Variants in CARD10 observed in about 807,000 individuals in gnomAD.
The protein encoded by CARD10 is caspase recruitment domain-containing protein 10.
Under a neutral mutation model 114.6 loss-of-function variants are expected in CARD10, and 49 were observed. The observed-to-expected ratio is 0.43, with a 90% confidence interval of 0.34 to 0.54. The LOEUF (loss-of-function observed/expected upper bound fraction) is 0.54, where lower values mean the gene tolerates loss of function less well. CARD10 is among the 20% of genes least tolerant of loss of function. The pLI is 0.03. For synonymous variants in CARD10, 602 were observed against 593.2 expected, an observed-to-expected ratio of 1.01 and a Z score of -0.21; for missense variants, 1,206 against 1,397.2, an observed-to-expected ratio of 0.86 and a Z score of 2.18.
At position 37,495,555 on chromosome 22, in the gene CARD10, A is replaced by T; in HGVS notation, c.2335T>A (p.Cys779Ser). The change falls in exon 15 of 20, where the codon TGC (cysteine) becomes AGC (serine). Residue 779 changes from cysteine (C) to serine (S), a missense_variant. This residue lies in a region of CARD10 where 1,068 missense variants were observed against 1,179.1 expected (regional missense o/e 0.91). Coordinates refer to ENST00000251973, the MANE Select transcript of CARD10 (RefSeq NM_014550.4). ...AQQLLEVQEK[C>S]LPSSRHRGPR... ...CCTCGGTGCCGGCTGGAGGGCAGGC[A>T]TTTCTCCTGAACTTCTAGGAGCTGC... 1.2e-6 allele frequency: 2 copies of T among 1,613,338 alleles called. No individual in the cohort carries two copies. The highest frequency in any genetic ancestry group is 1.7e-6 in the Non-Finnish European group (2 of 1,179,848).
chr22:37,491,202 T>C lies in CARD10; in HGVS notation c.3056A>G (p.Glu1019Gly). 6.3e-7 allele frequency: 1 copy of C among 1,578,106 alleles called. No homozygotes were observed. The highest frequency in any genetic ancestry group is 1.3e-5 in the African/African-American group (1 of 74,458). Reference protein sequence around the residue: ...LQEQARLVWVECGSSRGCPSS... With the variant: ...LQEQARLVWVGCGSSRGCPSS... ...GGGGCAGCCTCTGCTGCTGCCGCAC[T>C]CCACCCACACGAGGCGGGCCTGCTC... Residue 1019 changes from glutamate to glycine, a missense_variant, in exon 20 of 20, where the codon GAG (glutamate) becomes GGG (glycine). By Grantham distance (98) the Glu-to-Gly change is moderately conservative. This residue lies in a region of CARD10 where 1,068 missense variants were observed against 1,179.1 expected (regional missense o/e 0.91). Transcript: ENST00000251973.
Position 37,492,438 on chromosome 22 carries a change from C to G in CARD10, c.2748G>C (p.Gly916=). 1 of 1,559,962 alleles carries G rather than the reference C, an allele frequency of 6.4e-7. No homozygotes were observed. Among genetic ancestry groups the G allele is most frequent in the Non-Finnish European group, 8.7e-7 (1 of 1,151,868 alleles). ...SRIRAIQESV[G]KKHCLLELGA... Reference sequence around the variant, plus strand: ...CAGGCCAGCCCCCAGCACCCACCTTCCCAACAGACTCCTGGATGGCCCGGA... The same window carrying G: ...CAGGCCAGCCCCCAGCACCCACCTTGCCAACAGACTCCTGGATGGCCCGGA... The change falls in exon 18 of 20, where the codon GGG becomes GGC. Residue 916 remains glycine (G), a synonymous_variant. Transcript: ENST00000251973. The surrounding 1 kb of genome is among the most constrained non-coding windows in gnomAD (Gnocchi z 5.7).
In CARD10 at chr22:37,509,255, G is replaced by T. The variant is rs1326735661; in HGVS notation, c.910-573C>A. ...CTGACCTGCCACTGACCTGCCGCAG[G>T]ACACTAAGCAAGCCCTAGGGCCCCC... On this transcript the variant is annotated intron_variant, in intron 4 of 19. Transcript: ENST00000251973. 3 of 973,756 alleles carry T rather than the reference G, an allele frequency of 3.1e-6. No homozygotes were observed. The Admixed American group carries it at 9.3e-5, about 30-fold the overall frequency. The allele number at this position is 973,756 out of a possible 1,614,324, so 60.3% of individuals were successfully genotyped here.
At position 37,507,890 on chromosome 22, in the gene CARD10, TACAGG is replaced by T; in HGVS notation, c.1125_1129del (p.Asp375GlufsTer16). ...CAGGACAGTGGCCATGCGGTGCTTG[TACAGG>T]TCACAGTCCTTCTGCAGCGTGCGGT... On this transcript the variant is annotated frameshift_variant, in exon 6 of 20. Coordinates refer to ENST00000251973, the MANE Select transcript of CARD10 (RefSeq NM_014550.4). LOFTEE classifies it high-confidence loss of function. The T allele has an allele frequency of 6.2e-7, 1 of 1,614,176 alleles. No homozygotes were observed. Among genetic ancestry groups the T allele is most frequent in the Non-Finnish European group, 8.5e-7 (1 of 1,180,008 alleles).
Position 37,506,308 on chromosome 22 carries a change from C to T in CARD10, c.1267G>A (p.Val423Met), listed in dbSNP as rs770534769. The T allele has an allele frequency of 6.2e-7, 1 of 1,611,196 alleles. No homozygotes were observed. Among genetic ancestry groups the T allele is most frequent in the South Asian group, 1.1e-5 (1 of 90,078 alleles). Residue 423 changes from valine to methionine, a missense_variant, in exon 7 of 20, where the codon GTG becomes ATG. By Grantham distance (21) the Val-to-Met change is conservative. Around this residue, in one of 2 missense-constraint regions of CARD10, gnomAD observed 1,068 missense variants for 1,179.1 expected, o/e 0.91. Coordinates refer to ENST00000251973, the MANE Select transcript of CARD10 (RefSeq NM_014550.4). ...LIEKDQYRKQ[V>M]RGLEAERDEL... ...TCCCGCTCCGCCTCCAGGCCCCGCA[C>T]CTGCTTGCGGTACTGGTCCTTCTCG...
rs1248668520 is a variant in CARD10, at chr22:37,508,640, G to A, written c.952C>T (p.Leu318=). 6 of 1,586,280 alleles carry A rather than the reference G, an allele frequency of 3.8e-6. No individual in the cohort carries two copies. Among genetic ancestry groups the A allele is most frequent in the Middle Eastern group, 1.7e-4 (1 of 6,026 alleles). ...PGAPGSERIL[L]DILEHDWREA... is the part of the protein sequence containing the mutation. ...CGCCAGTCATGCTCTAGGATGTCCA[G>A]CAGGATGCGCTCGGAGCCCGGGGCC... The change falls in exon 5 of 20, where the codon CTG becomes TTG. Residue 318 remains leucine (L), a synonymous_variant. Transcript: ENST00000251973.
In CARD10 at chr22:37,490,893, CATA is replaced by C. The variant is rs1255761287; in HGVS notation, c.*263_*265del. 1.8e-6 allele frequency: 1 copy of C among 542,728 alleles called. No individual in the cohort carries two copies. The highest frequency in any genetic ancestry group is 1.9e-5 in the African/African-American group (1 of 52,684). The allele number at this position is 542,728 out of a possible 1,614,324, so 33.6% of individuals were successfully genotyped here. On this transcript the variant is annotated 3_prime_UTR_variant, in exon 20 of 20. Coordinates refer to ENST00000251973, the MANE Select transcript of CARD10 (RefSeq NM_014550.4). ...TGTTTAAGGAGAAGACACAGACACA[CATA>C]AGACCCACTAGTGGGAATGTGGAGA... is the stretch of plus-strand genomic sequence containing the variant.
intron 9 of CARD10, 44 bp from the exon 10 acceptor site, chr22:37,503,257 G>A: frequency 6.3e-7 from 1 of 1,585,700 alleles, no homozygotes; most frequent in Non-Finnish European, 8.6e-7. Context: ...GTGAGGCACA[G>A]TGGGCACTCT....
At chr22:37,515,061 T>C (rs776716199) in intron 3 of CARD10, among the ~76,000 whole-genome samples, 1 of 152,244 alleles carries the variant, frequency 6.6e-6, no homozygotes, top group African/African-American at 2.4e-5. Flanking sequence ...TGCCGCTTCC[T>C]GGCTCTGTGA....
rs545435935 is a variant in CARD10, at chr22:37,508,025, A to G, written c.1066-71T>C. ...TGAGAAAGCTAACCAGCAGGTGCCC[A>G]GGAGGGCCAGTGAGAGACGCTCACC... On this transcript the variant is annotated intron_variant, in intron 5 of 19. Transcript: ENST00000251973. 3.1e-5 allele frequency: 49 copies of G among 1,582,878 alleles called. No homozygotes were observed. The East Asian group carries it at 1.1e-3, about 35-fold the overall frequency.
Position 37,492,613 on chromosome 22 carries a change from C to T in CARD10, c.2635+31G>A. 1.2e-6 allele frequency: 2 copies of T among 1,610,158 alleles called. No homozygotes were observed. Among genetic ancestry groups the T allele is most frequent in the Non-Finnish European group, 1.7e-6 (2 of 1,178,168 alleles). On this transcript the variant is annotated intron_variant, in intron 17 of 19. Transcript: ENST00000251973. The surrounding 1 kb of genome is among the most constrained non-coding windows in gnomAD (Gnocchi z 5.7). ...TGGGCCCGGCTGCCCAGAGGGGCAC[C>T]CAGCCTCCCCTCCCCGGCACATAGT...
chr22:37,497,240 T>C (rs111541930), intron 11 of CARD10, 62 bp from the exon 12 acceptor site: 6 of 1,523,028 alleles, frequency 3.9e-6, no homozygotes, highest in Non-Finnish European at 5.3e-6. Flanking sequence ...CAGTTCAGCA[T>C]TCTTGGAAAA....
chr22:37,491,988 A>C, intron 18 of CARD10, 121 bp from the exon 19 acceptor site: 1 of 687,918 alleles, frequency 1.5e-6, no homozygotes, highest in Non-Finnish European at 2.6e-6. Context: ...CTCCCCACCC[A>C]GAGGGACCCT....
chr22:37,503,386 A>G (rs1450013626), intron 9 of CARD10, among the ~76,000 whole-genome samples, 173 bp from the exon 10 acceptor site: 1 of 152,158 alleles, frequency 6.6e-6, no homozygotes. Context: ...TGGCTCCCCT[A>G]AACTCCCAGG....
rs2145750807 is a variant in CARD10 at position 37,492,557 on chromosome 22, A to G, written c.2636-7T>C. 1.9e-6 allele frequency: 3 copies of G among 1,600,670 alleles called. No individual in the cohort carries two copies. The highest frequency in any genetic ancestry group is 4.5e-5 in the East Asian group (2 of 44,668). On this transcript the variant is annotated splice_region_variant and splice_polypyrimidine_tract_variant and intron_variant, in intron 17 of 19. Transcript: ENST00000251973. The surrounding 1 kb of genome is among the most constrained non-coding windows in gnomAD (Gnocchi z 5.7). ...TCCTCCCCAGAGAGGCTTTCTGCAC[A>G]GGGAGTGGAGAGGGAGAGATGAAGG...
At chr22:37,504,497 G>A in intron 8 of CARD10, 138 bp downstream of exon 8, 1 of 1,361,290 alleles carries the variant, frequency 7.3e-7, no homozygotes, top group Non-Finnish European at 9.8e-7. Flanking sequence ...GGTTCTGGGT[G>A]AGCTTCAGTA....
rs1923468594 is a variant in CARD10 at position 37,507,910 on chromosome 22, C to T, written c.1110G>A (p.Leu370=). 2.5e-6 allele frequency: 4 copies of T among 1,614,066 alleles called. No homozygotes were observed. Among genetic ancestry groups the T allele is most frequent in the East Asian group, 2.2e-5 (1 of 44,892 alleles). Residue 370 remains leucine, a synonymous_variant, in exon 6 of 20, where the codon CTG becomes CTA. Transcript: ENST00000251973. ...MEDLRLKHRT[L]QKDCDLYKHR... ...GCTTGTACAGGTCACAGTCCTTCTG[C>T]AGCGTGCGGTGCTTGAGCCGCAGGT... is the stretch of plus-strand genomic sequence containing the variant.
chr22:37,507,708 A>T, intron 6 of CARD10, 121 bp downstream of exon 6: 1 of 1,282,208 alleles, frequency 7.8e-7, no homozygotes, highest in Non-Finnish European at 1.1e-6. Flanking sequence ...CCCCGTCCTA[A>T]CCCAACAGGG....
intron 3 of CARD10, among the ~76,000 whole-genome samples, chr22:37,512,922 G>A (rs73416258): frequency 6.6e-6 from 1 of 152,090 alleles, no homozygotes; most frequent in Non-Finnish European, 1.5e-5. Context: ...TTATAAAACA[G>A]GGTATTAAAT....
Sources: allele counts gnomAD v4.1 joint callset (sites outside exome capture counted in the v4.1 genomes callset), GRCh38; gene constraint gnomAD v4.1.1; regional missense constraint gnomAD v4.1.1; non-coding constraint Gnocchi (gnomAD v3.1); transcripts MANE v1.5; gene names NCBI Gene and HGNC (gene_info 2026-07-23, HGNC 2026-07-21).